The following ARMCX4 variants were observed in gnomAD, a reference collection of about 807,000 sequenced individuals.
The protein encoded by ARMCX4 is armadillo repeat containing X-linked 4.
In ARMCX4, 3 loss-of-function variants were observed where a neutral mutation model predicts 34.7. The ratio of observed to expected loss-of-function variants is 0.09; its 90% CI spans 0.04 to 0.22. The LOEUF is 0.22. ARMCX4 is among the 10% of genes least tolerant of loss of function. ARMCX4 has a pLI of 1.00. For missense variants in ARMCX4, 1,448 were observed against 1,720.8 expected (o/e 0.84, Z 2.81); for synonymous variants, 513 against 632.8 (o/e 0.81, Z 2.84).
intron 11 of ARMCX4, among the ~76,000 whole-genome samples, chrX:101,513,647 AT>A (rs1556016982): frequency 9.0e-6 from 1 of 111,648 alleles, no homozygotes; most frequent in East Asian, 2.8e-4. Flanking sequence ...CATTTCTACA[AT>A]TGGTTATGTG....
chrX:101,493,734 C>T lies in ARMCX4; in HGVS notation c.5145C>T (p.Asp1715=), dbSNP rs1556010496. The T allele has an allele frequency of 1.7e-6, 2 of 1,153,839 alleles. No individual in the cohort carries two copies. Among genetic ancestry groups the T allele is most frequent in the Non-Finnish European group, 2.3e-6 (2 of 872,408 alleles). ...GAGGATCCTGGGCTAGATCTGAGGA[C>T]CAGGCCAGTGGAAGGTTCCAGGTCA... ...ATGGSWARSE[D]QASGRFQVSF... The change falls in exon 6 of 6, where the codon GAC becomes GAT. Residue 1715 remains aspartate (D), a synonymous_variant. Transcript: ENST00000423738.
At chrX:101,438,568 C>A (rs1437670726) in intron 2 of ARMCX4, among the ~76,000 whole-genome samples, 3 of 110,062 alleles carry the variant, frequency 2.7e-5, no homozygotes, top group Admixed American at 9.8e-5. Flanking sequence ...CTGTTCCCCC[C>A]CCAAAAAAAG....
chrX:101,475,079 C>A (rs868957133), intron 4 of ARMCX4, among the ~76,000 whole-genome samples: 10 of 110,163 alleles, frequency 9.1e-5, no homozygotes, highest in African/African-American at 3.0e-4. Context: ...GTGGCCCAGG[C>A]AGGAGGATAT....
intron 11 of ARMCX4, chrX:101,511,124 C>T (rs1488686789): frequency 9.0e-6 from 1 of 111,254 alleles, no homozygotes; most frequent in East Asian, 2.8e-4. Flanking sequence ...ACATATTTTG[C>T]ATTAGTTCTT....
chrX:101,433,199 T>C (rs1318877338), intron 2 of ARMCX4, among the ~76,000 whole-genome samples: 4 of 30,621 alleles, frequency 1.3e-4, no homozygotes, highest in African/African-American at 2.9e-4. Flanking sequence ...CATACACATA[T>C]ATGTGCATAT....
chrX:101,515,693 C>T (rs1382753340), intron 11 of ARMCX4, among the ~76,000 whole-genome samples: 1 of 105,990 alleles, frequency 9.4e-6, no homozygotes, highest in Non-Finnish European at 1.9e-5. Context: ...CAGCTGCCAC[C>T]ACACCCAGCT....
intron 11 of ARMCX4, among the ~76,000 whole-genome samples, chrX:101,513,497 A>G (rs1354307278): frequency 8.9e-6 from 1 of 112,138 alleles, no homozygotes; most frequent in Non-Finnish European, 1.9e-5. Context: ...CTTAAATGCT[A>G]TGATGTAAAG....
intron 2 of ARMCX4, among the ~76,000 whole-genome samples, chrX:101,428,317 T>G (rs1555991324): frequency 8.9e-6 from 1 of 112,259 alleles, no homozygotes; most frequent in Non-Finnish European, 1.9e-5. Flanking sequence ...ATTTATATAG[T>G]ATAGGAAATG....
intron 4 of ARMCX4, among the ~76,000 whole-genome samples, chrX:101,456,571 C>CT (rs1452904151): frequency 2.7e-5 from 3 of 110,965 alleles, no homozygotes; most frequent in Admixed American, 9.7e-5. Context: ...TTATTGTGGG[C>CT]TTTTTCAAAC....
At chrX:101,432,962 A>ATG (rs1289782565) in intron 2 of ARMCX4, among the ~76,000 whole-genome samples, 5 of 73,708 alleles carry the variant, frequency 6.8e-5, no homozygotes, top group African/African-American at 1.3e-4. Context: ...ATGTATACAT[A>ATG]TGTGTATATG....
chrX:101,491,684 T>C lies in ARMCX4; in HGVS notation c.3095T>C (p.Ile1032Thr), dbSNP rs189010224. 7.3e-3 allele frequency: 8,477 copies of C among 1,155,579 alleles called. 18 individuals carry two copies. The highest frequency in any genetic ancestry group is 0.015 in the South Asian group (769 of 52,685). ...ACAAGGCACTCTGCCCAGCCTCAGA[T>C]TGTGGCCGGTTCCCAGGGTGAGACC... is the stretch of plus-strand genomic sequence containing the variant. ...AGTRHSAQPQ[I>T]VAGSQGETLP... Residue 1032 changes from isoleucine (I) to threonine (T), a missense_variant, in exon 6 of 6, where the codon ATT (isoleucine) becomes ACT (threonine). Physicochemically the swap from Ile to Thr is moderately conservative, Grantham distance 89 (BLOSUM62 -1). Transcript: ENST00000423738.
chrX:101,483,244 T>G (rs1449608232), upstream of ARMCX4, among the ~76,000 whole-genome samples: 3 of 110,730 alleles, frequency 2.7e-5, no homozygotes, highest in South Asian at 3.8e-4. Context: ...AAAATTCTAG[T>G]AAATATATCT....
At chrX:101,420,677 A>G (rs192792455) in intron 2 of ARMCX4, among the ~76,000 whole-genome samples, 1 of 112,237 alleles carries the variant, frequency 8.9e-6, no homozygotes, top group African/African-American at 3.2e-5. Flanking sequence ...ATTAGATTGG[A>G]GGTGAGAGTT....
chrX:101,433,463 T>C (rs980927092), intron 2 of ARMCX4, among the ~76,000 whole-genome samples: 1 of 110,968 alleles, frequency 9.0e-6, no homozygotes, highest in Non-Finnish European at 1.9e-5. Flanking sequence ...TAGGACAGTG[T>C]TGTGCAATAG....
At chrX:101,533,713 A>T (rs2147731587), downstream of ARMCX4, among the ~76,000 whole-genome samples, 1 of 112,371 alleles carries the variant, frequency 8.9e-6, no homozygotes, top group South Asian at 3.6e-4. Context: ...ACAAAAATAT[A>T]TACATTTCTA....
chrX:101,532,931 C>T (rs892262501), intron 12 of ARMCX4: 5 of 110,720 alleles, frequency 4.5e-5, no homozygotes, highest in Non-Finnish European at 9.4e-5. Flanking sequence ...TTTTTTTTGT[C>T]CCTGCCTCCC....
chrX:101,430,024 T>C (rs1278897491), intron 2 of ARMCX4, among the ~76,000 whole-genome samples: 1 of 111,765 alleles, frequency 8.9e-6, no homozygotes, highest in Non-Finnish European at 1.9e-5. Context: ...CACCAAGATC[T>C]TATATCTTGT....
chrX:101,535,313 C>T (rs1194388153), downstream of ARMCX4, among the ~76,000 whole-genome samples: 8 of 111,573 alleles, frequency 7.2e-5, no homozygotes, highest in African/African-American at 2.6e-4. Flanking sequence ...CAAAAGAAGT[C>T]TAAGGTGGGC....
At chrX:101,419,670 C>T (rs1302203486) in intron 2 of ARMCX4, among the ~76,000 whole-genome samples, 1 of 111,569 alleles carries the variant, frequency 9.0e-6, no homozygotes, top group East Asian at 2.8e-4. Flanking sequence ...TGGGCCCTGT[C>T]CTCGGCCTGC....
Sources: gnomAD v4.1 joint callset for allele counts (sites outside exome capture counted in the v4.1 genomes callset) on GRCh38, gnomAD v4.1.1 for gene constraint, MANE v1.5 for transcripts, NCBI Gene and HGNC (gene_info 2026-07-23, HGNC 2026-07-21) for gene names.